GREM2: variants seen among roughly 807,000 people sequenced by gnomAD.
The protein encoded by GREM2 is gremlin-2.
GREM2 carries 11 observed loss-of-function variants against 14.2 expected under a neutral mutation model. The observed-to-expected ratio is 0.78, with a 90% CI of 0.49 to 1.28. The LOEUF is 1.28. GREM2 is among the 50% of genes most tolerant of loss of function. The probability of loss-of-function intolerance (pLI) is 0.00; values close to 1 mark genes in which losing one functional copy is unlikely to be tolerated. For synonymous variants in GREM2, 98 were observed against 97.6 expected (o/e 1.00, Z -0.02); for missense variants, 210 against 218.5 (o/e 0.96, Z 0.24).
intron 1 of GREM2, among the ~76,000 whole-genome samples, chr1:240,596,237 C>T (rs546449259): frequency 6.6e-6 from 1 of 152,244 alleles, no homozygotes; most frequent in South Asian, 2.1e-4. Context: ...TCAATCATCA[C>T]ATATAATAAG....
At chr1:240,610,529 G>T (rs1355336877) in intron 1 of GREM2, among the ~76,000 whole-genome samples, 1 of 151,674 alleles carries the variant, frequency 6.6e-6, no homozygotes, top group East Asian at 1.9e-4. Context: ...AACAAAAAAA[G>T]GTCGATATAA....
chr1:240,591,285 G>T (rs1358102934), intron 1 of GREM2, among the ~76,000 whole-genome samples: 1 of 152,110 alleles, frequency 6.6e-6, no homozygotes, highest in East Asian at 1.9e-4. Context: ...GATCCTCCAG[G>T]GTAGTCCCAG....
At position 240,489,587 on chromosome 1, in the gene GREM2, C is replaced by A. The variant is rs1448179330; in HGVS notation, c.*3382G>T. The A allele has an allele frequency of 6.6e-6, 1 of 152,220 alleles. No individual in the cohort carries two copies. The highest frequency in any genetic ancestry group is 2.4e-5 in the African/African-American group (1 of 41,452). 9.4% of individuals were successfully genotyped at this position (152,220 alleles called of 1,614,324 possible). Reference sequence around the variant, plus strand: ...AATAAGACATCTTAGGCTGCTCTGCCTATGAAGTAGGCATTCTTTATTCCT... The same window carrying A: ...AATAAGACATCTTAGGCTGCTCTGCATATGAAGTAGGCATTCTTTATTCCT... On this transcript the variant is annotated 3_prime_UTR_variant, in exon 2 of 2. Transcript: ENST00000318160.
intron 1 of GREM2, among the ~76,000 whole-genome samples, chr1:240,598,257 T>A (rs944668121): frequency 2.0e-5 from 3 of 152,232 alleles, no homozygotes; most frequent in Admixed American, 2.0e-4. Context: ...GTAGCCAAAC[T>A]ATTGTTCTGG....
chr1:240,580,521 A>G (rs1379912412), intron 1 of GREM2, among the ~76,000 whole-genome samples: 2 of 152,204 alleles, frequency 1.3e-5, no homozygotes, highest in Admixed American at 6.5e-5. Flanking sequence ...TAATTTGTTA[A>G]TTACTGCTGG....
At chr1:240,597,313 A>G (rs192746169) in intron 1 of GREM2, among the ~76,000 whole-genome samples, 97 of 152,378 alleles carry the variant, frequency 6.4e-4, no homozygotes, top group Non-Finnish European at 1.3e-3. Flanking sequence ...CACAAACTGT[A>G]TGCCTGTCCT....
chr1:240,494,072 G>C (rs1199107323), intron 1 of GREM2, among the ~76,000 whole-genome samples: 1 of 152,274 alleles, frequency 6.6e-6, no homozygotes, highest in East Asian at 1.9e-4. Flanking sequence ...GCTGGGAAGA[G>C]AGACCTCAAG....
At chr1:240,506,258 A>T (rs1677674502) in intron 1 of GREM2, among the ~76,000 whole-genome samples, 1 of 152,176 alleles carries the variant, frequency 6.6e-6, no homozygotes, top group African/African-American at 2.4e-5. Flanking sequence ...CTCAGGCTTC[A>T]TTCCTCTCCT....
chr1:240,508,330 A>G (rs910573504), intron 1 of GREM2, among the ~76,000 whole-genome samples: 3 of 152,202 alleles, frequency 2.0e-5, no homozygotes, highest in Non-Finnish European at 4.4e-5. Flanking sequence ...AATATAACTG[A>G]TATTTGAGAA....
intron 1 of GREM2, among the ~76,000 whole-genome samples, chr1:240,519,871 G>A (rs1304838274): frequency 6.6e-6 from 1 of 152,018 alleles, no homozygotes; most frequent in Non-Finnish European, 1.5e-5. Flanking sequence ...GCCTGAGGTC[G>A]GGAGTTTGAG....
chr1:240,605,538 T>C (rs922852402), intron 1 of GREM2, among the ~76,000 whole-genome samples: 4 of 152,128 alleles, frequency 2.6e-5, no homozygotes, highest in Non-Finnish European at 5.9e-5. Flanking sequence ...AGTATCCTTA[T>C]AGAGATTTTT....
In GREM2 at chr1:240,562,922, A is replaced by ATGTGTATGTGTGTGAGTGTGTGAG. The variant is rs1228704364; in HGVS notation, c.-2+48938_-2+48961dup. On this transcript the variant is annotated intron_variant, in intron 1 of 1. Transcript: ENST00000318160. ...TGTGTGTATGTATGTCTGTGAGTGT[A>ATGTGTATGTGTGTGAGTGTGTGAG]TGTGTATGTGTGTGAGTGTGTGAGT... Among the ~76,000 whole-genome samples the ATGTGTATGTGTGTGAGTGTGTGAG allele has an allele frequency of 2.2e-4, 29 of 134,060 alleles. No homozygotes were observed. In the Middle Eastern group the frequency reaches 0.035, roughly 160 times the overall value. 87.9% of individuals were successfully genotyped at this position (134,060 alleles called of 152,430 possible). A position where few individuals can be genotyped will look rare whatever the true frequency, so the allele number is the denominator to read the frequency against.
At chr1:240,580,388 C>T (rs1417571298) in intron 1 of GREM2, among the ~76,000 whole-genome samples, 1 of 152,096 alleles carries the variant, frequency 6.6e-6, no homozygotes, top group African/African-American at 2.4e-5. Context: ...TTTTCATAAG[C>T]TTTTCTCTTC....
Position 240,597,558 on chromosome 1 carries a change from T to C in GREM2, c.-2+14326A>G, listed in dbSNP as rs574242470. 5.9e-5 allele frequency among the ~76,000 whole-genome samples: 9 copies of C among 152,338 alleles called. No homozygotes were observed. In the East Asian group the frequency reaches 1.7e-3, roughly 29 times the overall value. On this transcript the variant is annotated intron_variant, in intron 1 of 1. Transcript: ENST00000318160. ...TTTTACTCAAAGGTCACCTTTAATATTGAATGTGGCTGTTTGTTTACATGT... is the reference window on the plus strand; with the variant it reads ...TTTTACTCAAAGGTCACCTTTAATACTGAATGTGGCTGTTTGTTTACATGT...
intron 1 of GREM2, among the ~76,000 whole-genome samples, chr1:240,526,624 A>G (rs1181672986): frequency 6.6e-6 from 1 of 152,160 alleles, no homozygotes; most frequent in East Asian, 1.9e-4. Flanking sequence ...CTGATCTCCC[A>G]GGCACTCTCT....
intron 1 of GREM2, among the ~76,000 whole-genome samples, chr1:240,511,291 A>G (rs1362438237): frequency 3.3e-5 from 5 of 152,248 alleles, no homozygotes; most frequent in Non-Finnish European, 5.9e-5. Context: ...AATGAAAAAT[A>G]ACACAACAAT....
At chr1:240,549,229 G>T (rs775354341) in intron 1 of GREM2, among the ~76,000 whole-genome samples, 1 of 151,826 alleles carries the variant, frequency 6.6e-6, no homozygotes, top group Non-Finnish European at 1.5e-5. Context: ...CCAGCTATTC[G>T]AGAGGCCGAG....
chr1:240,547,436 G>T (rs973902202), intron 1 of GREM2, among the ~76,000 whole-genome samples: 3 of 149,208 alleles, frequency 2.0e-5, no homozygotes, highest in Non-Finnish European at 4.4e-5. Flanking sequence ...GGAGGTGGAG[G>T]TTGCAGTGAG....
At chr1:240,576,262 T>C (rs1679371409) in intron 1 of GREM2, among the ~76,000 whole-genome samples, 1 of 152,162 alleles carries the variant, frequency 6.6e-6, no homozygotes, top group Non-Finnish European at 1.5e-5. Flanking sequence ...AGCAATAGAA[T>C]TGTCTATGTT....
Sources: gnomAD v4.1 joint callset for allele counts (sites outside exome capture counted in the v4.1 genomes callset) on GRCh38, gnomAD v4.1.1 for gene constraint, MANE v1.5 for transcripts, NCBI Gene and HGNC (gene_info 2026-07-23, HGNC 2026-07-21) for gene names.